LIN7C: variants seen among roughly 807,000 people sequenced by gnomAD.
LIN7C encodes protein lin-7 homolog C.
LIN7C carries 17 observed loss-of-function variants against 24.7 expected under a neutral mutation model. The ratio of observed to expected loss-of-function variants is 0.69; its 90% CI spans 0.47 to 1.03. The LOEUF is 1.03. LIN7C is among the 50% of genes least tolerant of loss of function. The pLI is 0.00. For synonymous variants in LIN7C, 90 were observed against 83.4 expected (o/e 1.08, Z -0.43); for missense variants, 204 against 239.0 (o/e 0.85, Z 0.97).
At chr11:27,501,435 C>T in intron 3 of LIN7C, 60 bp downstream of exon 3, 1 of 1,008,844 alleles carries the variant, frequency 9.9e-7, no homozygotes, top group East Asian at 2.4e-5. Flanking sequence ...TTTAATAACT[C>T]CATATTTTAA....
At chr11:27,505,669 G>C (rs922554891) in intron 1 of LIN7C, among the ~76,000 whole-genome samples, 4 of 152,198 alleles carry the variant, frequency 2.6e-5, no homozygotes, top group Non-Finnish European at 5.9e-5. Context: ...TCTAAGTACA[G>C]TAATTCTAAA....
Position 27,498,527 on chromosome 11 carries a change from AG to A in LIN7C, c.*121del. The A allele has an allele frequency of 1.1e-6, 1 of 901,344 alleles. No individual in the cohort carries two copies. The highest frequency in any genetic ancestry group is 1.7e-6 in the Non-Finnish European group (1 of 587,308). 55.8% of individuals were successfully genotyped at this position (901,344 alleles called of 1,614,324 possible). On this transcript the variant is annotated 3_prime_UTR_variant, in exon 5 of 5. Coordinates refer to ENST00000278193, the MANE Select transcript of LIN7C (RefSeq NM_018362.4). ...TAAAATAGGCATTTATAAAATGACAAGGAGAATTTCATGATAAATTTGTTTG... is the reference window on the plus strand; with the variant it reads ...TAAAATAGGCATTTATAAAATGACAAGAGAATTTCATGATAAATTTGTTTG...
chr11:27,502,839 T>C (rs1039623065), intron 1 of LIN7C, among the ~76,000 whole-genome samples: 1 of 152,182 alleles, frequency 6.6e-6, no homozygotes, highest in African/African-American at 2.4e-5. Flanking sequence ...TGGCTGGGAA[T>C]AGTGGCTTAT....
chr11:27,501,977 T>A, intron 1 of LIN7C, 57 bp from the exon 2 acceptor site: 3 of 1,033,314 alleles, frequency 2.9e-6, no homozygotes, highest in Non-Finnish European at 4.5e-6. Flanking sequence ...AATGCCTATG[T>A]AACAGTGGGG....
At chr11:27,505,315 G>A (rs1373472761) in intron 1 of LIN7C, among the ~76,000 whole-genome samples, 1 of 152,220 alleles carries the variant, frequency 6.6e-6, no homozygotes, top group Non-Finnish European at 1.5e-5. Context: ...CTGGGCGACA[G>A]AGCAAGACTA....
At position 27,501,935 on chromosome 11, in the gene LIN7C, A is replaced by G. The variant is rs974166778; in HGVS notation, c.38-15T>C. 6.8e-7 allele frequency: 1 copy of G among 1,474,750 alleles called. No individual in the cohort carries two copies. The highest frequency in any genetic ancestry group is 1.4e-5 in the African/African-American group (1 of 71,932). The allele number at this position is 1,474,750 out of a possible 1,614,324, so 91.4% of individuals were successfully genotyped here. Reference sequence around the variant, plus strand: ...TCTACAAATATCTAGAGTTAAACACACACACAGATAATTTTCTCCAAGGGT... The same window carrying G: ...TCTACAAATATCTAGAGTTAAACACGCACACAGATAATTTTCTCCAAGGGT... On this transcript the variant is annotated splice_polypyrimidine_tract_variant and intron_variant, in intron 1 of 4. Coordinates refer to ENST00000278193, the MANE Select transcript of LIN7C (RefSeq NM_018362.4).
rs1012336136 is a variant in LIN7C at position 27,497,274 on chromosome 11, T to C, written c.*1375A>G. 8 of 152,588 alleles carry C rather than the reference T, an allele frequency of 5.2e-5. No homozygotes were observed. The highest frequency in any genetic ancestry group is 1.9e-4 in the African/African-American group (8 of 41,460). 9.5% of individuals were successfully genotyped at this position (152,588 alleles called of 1,614,324 possible). A position where few individuals can be genotyped will look rare whatever the true frequency, so the allele number is the denominator to read the frequency against. ...GTTACAAAATGCCCACTTTTTTATA[T>C]AGGGTCAATATGCCAAATTACTTAT... On this transcript the variant is annotated 3_prime_UTR_variant, in exon 5 of 5. Coordinates refer to ENST00000278193, the MANE Select transcript of LIN7C (RefSeq NM_018362.4).
At position 27,499,522 on chromosome 11, in the gene LIN7C, C is replaced by T. The variant is rs1438698574; in HGVS notation, c.275G>A (p.Arg92Gln). 3 of 1,614,196 alleles carry T rather than the reference C, an allele frequency of 1.9e-6. No individual in the cohort carries two copies. The highest frequency in any genetic ancestry group is 2.2e-5 in the East Asian group (1 of 44,884). ...FAASEGHSHP[R>Q]VVELPKTEEG... ...TTCTGTTTTTGGTAGCTCAACAACTCGAGGATGAGAATGTCCTTCACTGGC... is the reference window on the plus strand; with the variant it reads ...TTCTGTTTTTGGTAGCTCAACAACTTGAGGATGAGAATGTCCTTCACTGGC... Residue 92 changes from arginine (R) to glutamine (Q), a missense_variant, in exon 4 of 5, where the codon CGA becomes CAA. Arg to Gln is a conservative substitution (Grantham distance 43, BLOSUM62 1). Coordinates refer to ENST00000278193, the MANE Select transcript of LIN7C (RefSeq NM_018362.4).
chr11:27,505,761 CTACA>C (rs1865278531), intron 1 of LIN7C, among the ~76,000 whole-genome samples: 1 of 152,194 alleles, frequency 6.6e-6, no homozygotes, highest in African/African-American at 2.4e-5. Context: ...AGTCTCCATC[CTACA>C]TATACATTTT....
At chr11:27,499,909 G>C (rs1865206919) in intron 3 of LIN7C, among the ~76,000 whole-genome samples, 1 of 152,214 alleles carries the variant, frequency 6.6e-6, no homozygotes, top group African/African-American at 2.4e-5. Flanking sequence ...TTACAGGCGT[G>C]AGCCACTGCG....
chr11:27,498,511 C>T lies in LIN7C; in HGVS notation c.*138G>A. ...GAACCATAAATGATGTTAAAATAGG[C>T]ATTTATAAAATGACAAGGAGAATTT... On this transcript the variant is annotated 3_prime_UTR_variant, in exon 5 of 5. Transcript: ENST00000278193. 1.3e-6 allele frequency: 1 copy of T among 791,060 alleles called. No homozygotes were observed. The highest frequency in any genetic ancestry group is 2.0e-6 in the Non-Finnish European group (1 of 499,894). 49.0% of individuals were successfully genotyped at this position (791,060 alleles called of 1,614,324 possible).
At chr11:27,501,691 C>T in intron 2 of LIN7C, 111 bp downstream of exon 2, 1 of 899,728 alleles carries the variant, frequency 1.1e-6, no homozygotes. Flanking sequence ...ATGAGAGGGA[C>T]TGGTTTTAAT....
intron 1 of LIN7C, among the ~76,000 whole-genome samples, chr11:27,503,128 C>G (rs954267653): frequency 6.6e-6 from 1 of 151,674 alleles, no homozygotes; most frequent in Non-Finnish European, 1.5e-5. Context: ...AAAAACCAAA[C>G]AAAACAAAAA....
At chr11:27,501,723 G>C in intron 2 of LIN7C, 79 bp downstream of exon 2, 1 of 1,025,512 alleles carries the variant, frequency 9.8e-7, no homozygotes, top group Non-Finnish European at 1.5e-6. Flanking sequence ...TTTTTCTTAA[G>C]AAATGTTGAA....
rs1451058597 is a variant in LIN7C, at chr11:27,497,384, A to G, written c.*1265T>C. 6.6e-6 allele frequency: 1 copy of G among 152,592 alleles called. No homozygotes were observed. The highest frequency in any genetic ancestry group is 1.5e-5 in the Non-Finnish European group (1 of 67,968). The allele number at this position is 152,592 out of a possible 1,614,324, so 9.5% of individuals were successfully genotyped here. ...TTCCTGTAAGTTGTAACAGAAAATG[A>G]ACCCCAACTCTTTCAGTCTTTAAGA... On this transcript the variant is annotated 3_prime_UTR_variant, in exon 5 of 5. Coordinates refer to ENST00000278193, the MANE Select transcript of LIN7C (RefSeq NM_018362.4).
At chr11:27,500,996 T>C (rs1285746083) in intron 3 of LIN7C, among the ~76,000 whole-genome samples, 1 of 152,132 alleles carries the variant, frequency 6.6e-6, no homozygotes, top group African/African-American at 2.4e-5. Flanking sequence ...CCTAAATTAT[T>C]TGAGGAAAAC....
Position 27,498,384 on chromosome 11 carries a change from T to G in LIN7C, c.*265A>C. On this transcript the variant is annotated 3_prime_UTR_variant, in exon 5 of 5. Coordinates refer to ENST00000278193, the MANE Select transcript of LIN7C (RefSeq NM_018362.4). Reference sequence around the variant, plus strand: ...TTTTAAAAAATCTATAACAACTTTATGACAAAATCTGCATTTGAAAAAGGC... The same window carrying G: ...TTTTAAAAAATCTATAACAACTTTAGGACAAAATCTGCATTTGAAAAAGGC... 1 of 318,032 alleles carries G rather than the reference T, an allele frequency of 3.1e-6. No individual in the cohort carries two copies. Among genetic ancestry groups the G allele is most frequent in the Non-Finnish European group, 5.6e-6 (1 of 177,636 alleles). 19.7% of individuals were successfully genotyped at this position (318,032 alleles called of 1,614,324 possible).
chr11:27,499,603 T>C (rs776383365), intron 3 of LIN7C, 35 bp from the exon 4 acceptor site: 2 of 1,555,958 alleles, frequency 1.3e-6, no homozygotes, highest in Non-Finnish European at 1.8e-6. Flanking sequence ...AAATATGACT[T>C]TTATTTACTT....
Position 27,498,130 on chromosome 11 carries a change from A to C in LIN7C, c.*519T>G, listed in dbSNP as rs897368479. On this transcript the variant is annotated 3_prime_UTR_variant, in exon 5 of 5. Coordinates refer to ENST00000278193, the MANE Select transcript of LIN7C (RefSeq NM_018362.4). ...ATTATGTGTGTGTTCAAAGTACAAAATGCAGCAATGATGTTAACATTGACA... is the reference window on the plus strand; with the variant it reads ...ATTATGTGTGTGTTCAAAGTACAAACTGCAGCAATGATGTTAACATTGACA... The C allele has an allele frequency of 2.6e-5, 4 of 152,658 alleles. No homozygotes were observed. Among genetic ancestry groups the C allele is most frequent in the African/African-American group, 9.6e-5 (4 of 41,472 alleles). The allele number at this position is 152,658 out of a possible 1,614,324, so 9.5% of individuals were successfully genotyped here. A position where few individuals can be genotyped will look rare whatever the true frequency, so the allele number is the denominator to read the frequency against.
Sources: gnomAD v4.1 joint callset for allele counts (sites outside exome capture counted in the v4.1 genomes callset) on GRCh38, gnomAD v4.1.1 for gene constraint, MANE v1.5 for transcripts, NCBI Gene and HGNC (gene_info 2026-07-23, HGNC 2026-07-21) for gene names.